CDC14A: variants seen among roughly 807,000 people sequenced by gnomAD.
The protein encoded by CDC14A is cell division cycle 14A.
Under a neutral mutation model 74.4 loss-of-function variants are expected in CDC14A, and 53 were observed. That is an observed-to-expected ratio of 0.71 (90% CI 0.57 to 0.89). CDC14A has a LOEUF of 0.89. Among genes scored for constraint, CDC14A ranks in the 40% least tolerant of loss-of-function variants. The pLI, the probability that CDC14A is intolerant of heterozygous loss-of-function variation, is 0.00. For missense variants in CDC14A, 646 were observed against 713.7 expected (o/e 0.91, Z 1.08); for synonymous variants, 247 against 258.4 (o/e 0.96, Z 0.43).
rs1433686937 is a variant in CDC14A at position 100,365,802 on chromosome 1, T to A, written c.141-11744T>A. On this transcript the variant is annotated intron_variant, in intron 2 of 15. Transcript: ENST00000336454. ...GGACCTTTTTAAAATGTGATCATTA[T>A]GAGTTCAGCCATAATAATCACGTCT... Among the ~76,000 whole-genome samples the A allele has an allele frequency of 2.0e-5, 3 of 152,302 alleles. No individual in the cohort carries two copies. In the East Asian group the frequency reaches 5.8e-4, roughly 29 times the overall value.
chr1:100,505,087 T>C lies in CDC14A; in HGVS notation c.1755+5825T>C, dbSNP rs1649116491. ...TTTGCAGACATTTCAAAAAGTTCTT[T>C]TATAGTTCATGGTTTCTAACACAGT... On this transcript the variant is annotated intron_variant, in intron 15 of 15. Coordinates refer to ENST00000336454, the MANE Select transcript of CDC14A (RefSeq NM_003672.4). 2.0e-5 allele frequency: 14 copies of C among 711,928 alleles called. No homozygotes were observed. In the South Asian group the frequency reaches 3.4e-4, roughly 17 times the overall value. 44.1% of individuals were successfully genotyped at this position (711,928 alleles called of 1,614,324 possible).
chr1:100,443,088 G>A lies in CDC14A; in HGVS notation c.519+92G>A, dbSNP rs1386159486. 6.0e-6 allele frequency: 5 copies of A among 827,582 alleles called. No individual in the cohort carries two copies. The African/African-American group carries it at 6.9e-5, about 11-fold the overall frequency. The allele number at this position is 827,582 out of a possible 1,614,324, so 51.3% of individuals were successfully genotyped here. A position where few individuals can be genotyped will look rare whatever the true frequency, so the allele number is the denominator to read the frequency against. ...CTCATGTATTGCAAATCGAGTGGGT[G>A]CTAAATAAAAGCATTCTGGAGTTTT... On this transcript the variant is annotated intron_variant, in intron 7 of 15. Coordinates refer to ENST00000336454, the MANE Select transcript of CDC14A (RefSeq NM_003672.4).
At chr1:100,369,321 A>C (rs1455285146) in intron 2 of CDC14A, among the ~76,000 whole-genome samples, 3 of 152,008 alleles carry the variant, frequency 2.0e-5, no homozygotes, top group African/African-American at 7.2e-5. Context: ...GTTGGCCAGG[A>C]TGGTCTTGAT....
intron 8 of CDC14A, among the ~76,000 whole-genome samples, chr1:100,462,234 C>T (rs1468134347): frequency 6.6e-6 from 1 of 152,120 alleles, no homozygotes; most frequent in Non-Finnish European, 1.5e-5. Flanking sequence ...TAAAACTATA[C>T]ATATGGCAAA....
chr1:100,353,120 C>A, intron 1 of CDC14A, 117 bp downstream of exon 1: 1 of 1,069,868 alleles, frequency 9.3e-7, no homozygotes, highest in Non-Finnish European at 1.4e-6. Flanking sequence ...GCTGCGCGCG[C>A]TCTCGTCCCC....
chr1:100,479,686 G>T (rs1669261775), intron 10 of CDC14A, among the ~76,000 whole-genome samples: 1 of 152,092 alleles, frequency 6.6e-6, no homozygotes, highest in Non-Finnish European at 1.5e-5. Flanking sequence ...CAAGCATACT[G>T]CATAGGTTTG....
intron 10 of CDC14A, among the ~76,000 whole-genome samples, chr1:100,478,375 G>GAT (rs1393245382): frequency 6.6e-6 from 1 of 151,938 alleles, no homozygotes; most frequent in African/African-American, 2.4e-5. Flanking sequence ...ATCTATCTGT[G>GAT]ATAGATAACC....
chr1:100,488,921 G>T (rs1334448323), intron 11 of CDC14A, among the ~76,000 whole-genome samples: 7 of 152,162 alleles, frequency 4.6e-5, no homozygotes, highest in African/African-American at 1.7e-4. Context: ...TTATTAAGCA[G>T]GGGAGTGACA....
At chr1:100,352,090 T>G (rs1651109671), upstream of CDC14A, among the ~76,000 whole-genome samples, 1 of 150,766 alleles carries the variant, frequency 6.6e-6, no homozygotes, top group Non-Finnish European at 1.5e-5. Context: ...AGAAAAGAAA[T>G]CTGGAGTGGG....
At chr1:100,487,560 A>AAAAACAAAACAAAAC (rs1486571759) in intron 11 of CDC14A, among the ~76,000 whole-genome samples, 71 of 45,714 alleles carry the variant, frequency 1.6e-3, no homozygotes, top group African/African-American at 2.5e-3. Context: ...ACTCGGTCTC[A>AAAAACAAAACAAAAC]AAAACAAAAC....
intron 3 of CDC14A, among the ~76,000 whole-genome samples, chr1:100,388,000 A>T (rs746737151): frequency 2.1e-4 from 32 of 152,244 alleles, no homozygotes; most frequent in Non-Finnish European, 4.7e-4. Flanking sequence ...GTAGTTTGTC[A>T]TAAAACCTAA....
In CDC14A at chr1:100,423,283, C is replaced by G. The variant is rs574182939; in HGVS notation, c.310-939C>G. Among the ~76,000 whole-genome samples, 14 of 152,254 alleles carry G rather than the reference C, an allele frequency of 9.2e-5. No individual in the cohort carries two copies. The East Asian group carries it at 2.7e-3, about 29-fold the overall frequency. On this transcript the variant is annotated intron_variant, in intron 4 of 15. Coordinates refer to ENST00000336454, the MANE Select transcript of CDC14A (RefSeq NM_003672.4). Reference sequence around the variant, plus strand: ...TCAGGGAACTTGTCTTTGTCATTCTCATGCCTGGATAGCCATTCCTCCTTC... The same window carrying G: ...TCAGGGAACTTGTCTTTGTCATTCTGATGCCTGGATAGCCATTCCTCCTTC...
intron 2 of CDC14A, among the ~76,000 whole-genome samples, chr1:100,371,173 G>A (rs989021051): frequency 3.9e-5 from 6 of 152,180 alleles, no homozygotes; most frequent in African/African-American, 1.4e-4. Flanking sequence ...CCTTATTGAA[G>A]TTGTTTATCA....
intron 15 of CDC14A, among the ~76,000 whole-genome samples, chr1:100,507,044 C>T (rs145330549): frequency 6.6e-6 from 1 of 152,276 alleles, no homozygotes; most frequent in East Asian, 1.9e-4. Flanking sequence ...GGAAACTTAT[C>T]CAATTAATAA....
intron 2 of CDC14A, among the ~76,000 whole-genome samples, chr1:100,357,255 G>T (rs1453106390): frequency 6.6e-6 from 1 of 152,154 alleles, no homozygotes; most frequent in Non-Finnish European, 1.5e-5. Context: ...CGATTTCTGG[G>T]AAGATAGAGA....
rs74757428 is a variant in CDC14A at position 100,507,191 on chromosome 1, A to G, written c.1755+7929A>G. 2.2e-4 allele frequency among the ~76,000 whole-genome samples: 34 copies of G among 152,216 alleles called. No homozygotes were observed. In the East Asian group the frequency reaches 5.6e-3, roughly 25 times the overall value. On this transcript the variant is annotated intron_variant, in intron 15 of 15. Transcript: ENST00000336454. ...ATGCAGGCATCTTCTGGTAGAATTG[A>G]TTTGCTCTCATTTTTCTGGTCCTTT...
intron 6 of CDC14A, among the ~76,000 whole-genome samples, chr1:100,440,480 T>C (rs576717488): frequency 1.3e-5 from 2 of 152,330 alleles, no homozygotes; most frequent in East Asian, 3.9e-4. Flanking sequence ...GTCATAGTTA[T>C]TTAATTATTT....
At chr1:100,407,431 G>A (rs562764979) in intron 4 of CDC14A, among the ~76,000 whole-genome samples, 1 of 152,122 alleles carries the variant, frequency 6.6e-6, no homozygotes. Flanking sequence ...CTTGTTAGCT[G>A]TATTGCTAGG....
chr1:100,441,056 G>A (rs1664869304), intron 6 of CDC14A, among the ~76,000 whole-genome samples: 2 of 152,064 alleles, frequency 1.3e-5, no homozygotes, highest in Admixed American at 1.3e-4. Context: ...ATGCCTGAGG[G>A]AAAAAATAAT....
Sources: gnomAD v4.1 joint callset for allele counts (sites outside exome capture counted in the v4.1 genomes callset) on GRCh38, gnomAD v4.1.1 for gene constraint, MANE v1.5 for transcripts, NCBI Gene and HGNC (gene_info 2026-07-23, HGNC 2026-07-21) for gene names.